COL22A1: variants seen among roughly 807,000 people sequenced by gnomAD.
The protein encoded by COL22A1 is collagen alpha-1(XXII) chain.
A neutral mutation model predicts 248.9 loss-of-function variants in COL22A1; 221 were observed. That is an observed-to-expected ratio of 0.89 (90% CI 0.80 to 0.99). COL22A1 has a LOEUF of 0.99. COL22A1 is among the 50% of genes least tolerant of loss of function. The probability of loss-of-function intolerance (pLI) is 0.00; values close to 1 mark genes in which losing one functional copy is unlikely to be tolerated. For missense variants in COL22A1, 2,240 were observed against 2,179.0 expected (o/e 1.03, Z -0.56); for synonymous variants, 891 against 793.4 (o/e 1.12, Z -2.07).
At chr8:138,705,715 T>G (rs1334165204) in intron 30 of COL22A1, among the ~76,000 whole-genome samples, 2 of 152,178 alleles carry the variant, frequency 1.3e-5, no homozygotes, top group African/African-American at 4.8e-5. Context: ...AGGAAGAAAC[T>G]GCATCAACTA....
At chr8:138,636,224 T>A (rs1358624387) in intron 48 of COL22A1, among the ~76,000 whole-genome samples, 1 of 151,832 alleles carries the variant, frequency 6.6e-6, no homozygotes, top group Non-Finnish European at 1.5e-5. Context: ...CATGCTCAGA[T>A]CCACAGAGAG....
intron 16 of COL22A1, among the ~76,000 whole-genome samples, chr8:138,772,969 G>A (rs751809047): frequency 4.6e-5 from 7 of 152,216 alleles, no homozygotes; most frequent in East Asian, 1.9e-4. Flanking sequence ...GCTGGGAGGC[G>A]TCTCTGCAAA....
chr8:138,603,903 C>T (rs1416456210), intron 59 of COL22A1, among the ~76,000 whole-genome samples: 4 of 152,164 alleles, frequency 2.6e-5, no homozygotes, highest in Admixed American at 6.5e-5. Flanking sequence ...TTTCCATAGA[C>T]CTACTTTCTC....
At chr8:138,783,627 A>G (rs1181580987) in intron 12 of COL22A1, among the ~76,000 whole-genome samples, 5 of 152,182 alleles carry the variant, frequency 3.3e-5, no homozygotes, top group Non-Finnish European at 5.9e-5. Flanking sequence ...ACCCTCAGAC[A>G]CACCCAGGAT....
chr8:138,617,023 A>T, intron 53 of COL22A1, 65 bp from the exon 54 acceptor site: 2 of 1,574,402 alleles, frequency 1.3e-6, no homozygotes, highest in Non-Finnish European at 1.7e-6. Context: ...GTGGGCAGGC[A>T]TACCTCCCTG....
intron 3 of COL22A1, among the ~76,000 whole-genome samples, chr8:138,844,766 C>T (rs1276561763): frequency 4.6e-5 from 7 of 151,972 alleles, no homozygotes; most frequent in Middle Eastern, 3.4e-3. Flanking sequence ...CTGGCTAACA[C>T]GGTGAAACCC....
At position 138,821,171 on chromosome 8, in the gene COL22A1, TCA is replaced by T. The variant is rs2131750495; in HGVS notation, c.1208_1209del (p.Val403AspfsTer12). The T allele has an allele frequency of 6.2e-7, 1 of 1,614,074 alleles. No individual in the cohort carries two copies. The highest frequency in any genetic ancestry group is 8.5e-7 in the Non-Finnish European group (1 of 1,179,976). On this transcript the variant is annotated frameshift_variant, in exon 7 of 65. Transcript: ENST00000303045. LOFTEE classifies it high-confidence loss of function. ...ACACTGTCGTAGAGGCGCTTGCCAA[TCA>T]CAGTCTTGCCCTGGATGTCAATGTT... ...RENIDIQGKT[V>X]IGKRLYDSVP...
At chr8:138,759,283 G>A (rs565103240) in intron 18 of COL22A1, among the ~76,000 whole-genome samples, 1 of 152,248 alleles carries the variant, frequency 6.6e-6, no homozygotes, top group East Asian at 1.9e-4. Flanking sequence ...CATATTTAGA[G>A]CATATGCTGG....
chr8:138,889,732 G>T (rs778307076), intron 1 of COL22A1, among the ~76,000 whole-genome samples: 1 of 152,166 alleles, frequency 6.6e-6, no homozygotes, highest in Non-Finnish European at 1.5e-5. Context: ...CTACTGAGCC[G>T]CCTTTGTCTT....
At chr8:138,737,703 C>G (rs997475120) in intron 22 of COL22A1, 126 bp from the exon 23 acceptor site, 1 of 654,924 alleles carries the variant, frequency 1.5e-6, no homozygotes. Flanking sequence ...ACAATTGTCC[C>G]TCAGGAGTGC....
chr8:138,751,144 C>T (rs115807088), intron 22 of COL22A1, among the ~76,000 whole-genome samples: 1,893 of 152,236 alleles, frequency 0.012, 22 homozygotes, highest in African/African-American at 0.034. Context: ...CACTCAGTTG[C>T]CTCTTCTCTG....
intron 12 of COL22A1, among the ~76,000 whole-genome samples, chr8:138,784,332 G>T (rs1025683586): frequency 6.6e-6 from 1 of 152,204 alleles, no homozygotes; most frequent in African/African-American, 2.4e-5. Flanking sequence ...TCTGTCATCA[G>T]TTGTTTCTTG....
At chr8:138,853,629 C>T (rs540207718) in intron 3 of COL22A1, among the ~76,000 whole-genome samples, 2 of 152,144 alleles carry the variant, frequency 1.3e-5, no homozygotes, top group African/African-American at 4.8e-5. Flanking sequence ...CCAACAAGCT[C>T]ATTATTCCAA....
intron 63 of COL22A1, 140 bp from the exon 64 acceptor site, chr8:138,591,641 C>T: frequency 1.9e-6 from 1 of 515,032 alleles, no homozygotes; most frequent in Non-Finnish European, 3.3e-6. Flanking sequence ...CACACACACT[C>T]ATGCCGCACA....
intron 50 of COL22A1, among the ~76,000 whole-genome samples, chr8:138,629,624 T>C (rs1820542248): frequency 6.6e-6 from 1 of 152,206 alleles, no homozygotes; most frequent in African/African-American, 2.4e-5. Flanking sequence ...GGTGGGTCAA[T>C]GTGGAATAGC....
At chr8:138,758,436 A>G (rs1365993164) in intron 18 of COL22A1, among the ~76,000 whole-genome samples, 3 of 152,176 alleles carry the variant, frequency 2.0e-5, no homozygotes, top group Non-Finnish European at 2.9e-5. Flanking sequence ...CATAGACCCA[A>G]TCCAGTAAAA....
At chr8:138,619,359 C>T (rs769637004) in intron 53 of COL22A1, 96 bp downstream of exon 53, 215 of 1,095,756 alleles carry the variant, frequency 2.0e-4, no homozygotes, top group Middle Eastern at 5.4e-4. Context: ...TAGGACCCCA[C>T]GGTTGGGCAG....
At chr8:138,617,012 A>G in intron 53 of COL22A1, 54 bp from the exon 54 acceptor site, 3 of 1,601,516 alleles carry the variant, frequency 1.9e-6, no homozygotes, top group East Asian at 2.2e-5. Flanking sequence ...TTGGGGCAGA[A>G]GTGGGCAGGC....
At chr8:138,805,951 T>C (rs1178124292) in intron 10 of COL22A1, among the ~76,000 whole-genome samples, 1 of 141,450 alleles carries the variant, frequency 7.1e-6, no homozygotes, top group Non-Finnish European at 1.5e-5. Flanking sequence ...TGATGGTATA[T>C]TATGGTGTGT....
Sources: gnomAD v4.1 joint callset for allele counts (sites outside exome capture counted in the v4.1 genomes callset) on GRCh38, gnomAD v4.1.1 for gene constraint, MANE v1.5 for transcripts, NCBI Gene and HGNC (gene_info 2026-07-23, HGNC 2026-07-21) for gene names.